The following APBB1IP variants were observed in gnomAD, a reference collection of about 807,000 sequenced individuals.
The protein encoded by APBB1IP is amyloid beta precursor protein binding family B member 1 interacting protein, also known as amyloid beta A4 precursor protein-binding family B member 1-interacting protein.
In APBB1IP, 27 loss-of-function variants were observed where a neutral mutation model predicts 64.9. The observed-to-expected ratio is 0.42, with a 90% CI of 0.31 to 0.57. The LOEUF (loss-of-function observed/expected upper bound fraction) is 0.57. APBB1IP is among the 20% of genes least tolerant of loss of function. The pLI, the probability that APBB1IP is intolerant of heterozygous loss-of-function variation, is 0.20. For synonymous variants in APBB1IP, 392 were observed against 331.0 expected, an observed-to-expected ratio of 1.18 and a Z score of -2.00; for missense variants, 812 against 845.5, an observed-to-expected ratio of 0.96 and a Z score of 0.49.
intron 8 of APBB1IP, among the ~76,000 whole-genome samples, chr10:26,526,865 A>G (rs1176298187): frequency 6.6e-6 from 1 of 152,224 alleles, no homozygotes; most frequent in Non-Finnish European, 1.5e-5. Context: ...CTTTTATTCC[A>G]CAGATTATTC....
At chr10:26,443,789 G>A (rs1011809947) in intron 2 of APBB1IP, among the ~76,000 whole-genome samples, 9 of 151,978 alleles carry the variant, frequency 5.9e-5, no homozygotes, top group African/African-American at 1.7e-4. Context: ...CTTCCACCTC[G>A]GGCTCTCAAA....
At chr10:26,485,491 A>G (rs935572041) in intron 2 of APBB1IP, among the ~76,000 whole-genome samples, 1 of 152,220 alleles carries the variant, frequency 6.6e-6, no homozygotes, top group Non-Finnish European at 1.5e-5. Flanking sequence ...AACATCAACA[A>G]GATCTGATTC....
chr10:26,479,885 C>G (rs550847139), intron 2 of APBB1IP, among the ~76,000 whole-genome samples: 1 of 152,304 alleles, frequency 6.6e-6, no homozygotes, highest in Non-Finnish European at 1.5e-5. Flanking sequence ...CTGTAACTTC[C>G]TCTGTGGTTT....
chr10:26,491,495 T>C (rs1268556636), intron 2 of APBB1IP, among the ~76,000 whole-genome samples: 6 of 152,202 alleles, frequency 3.9e-5, no homozygotes, highest in African/African-American at 1.4e-4. Flanking sequence ...CAACTCACAG[T>C]GCGTCCCACC....
chr10:26,539,457 A>G (rs1434710787), intron 10 of APBB1IP, among the ~76,000 whole-genome samples: 3 of 151,634 alleles, frequency 2.0e-5, no homozygotes, highest in Non-Finnish European at 2.9e-5. Flanking sequence ...GAAGGAAGAA[A>G]GGAAGAAAGG....
At chr10:26,451,788 A>G (rs1256810282) in intron 2 of APBB1IP, among the ~76,000 whole-genome samples, 1 of 152,224 alleles carries the variant, frequency 6.6e-6, no homozygotes, top group Non-Finnish European at 1.5e-5. Context: ...GATTATATGC[A>G]TGAAGACAGG....
chr10:26,528,831 C>G (rs1240563285), intron 8 of APBB1IP, among the ~76,000 whole-genome samples: 2 of 152,060 alleles, frequency 1.3e-5, no homozygotes, highest in Non-Finnish European at 2.9e-5. Flanking sequence ...CAGCTACTTG[C>G]AAGGCTGAGG....
At chr10:26,493,230 G>T (rs371026694) in intron 3 of APBB1IP, among the ~76,000 whole-genome samples, 1 of 152,150 alleles carries the variant, frequency 6.6e-6, no homozygotes, top group African/African-American at 2.4e-5. Context: ...TTTTCAAGGT[G>T]CCCAGATTTC....
chr10:26,544,019 G>C (rs904434669), intron 11 of APBB1IP, among the ~76,000 whole-genome samples: 6 of 152,166 alleles, frequency 3.9e-5, no homozygotes, highest in Admixed American at 6.5e-5. Flanking sequence ...TGTAGATGTG[G>C]TATGTGTGCA....
chr10:26,484,313 T>TG (rs1835867397), intron 2 of APBB1IP, among the ~76,000 whole-genome samples: 1 of 152,162 alleles, frequency 6.6e-6, no homozygotes, highest in South Asian at 2.1e-4. Context: ...TGTTTTGTTT[T>TG]GTTTTGTTTT....
rs368921879 is a variant in APBB1IP at position 26,474,663 on chromosome 10, T to C, written c.1-17664T>C. On this transcript the variant is annotated intron_variant, in intron 2 of 14. Transcript: ENST00000376236. ...GTTTTTTAAAAAGTAAAAAATAAAT[T>C]GTCTTCCTTGCTGAAGCCAAATGAA... is the stretch of plus-strand genomic sequence containing the variant. 9.1e-4 allele frequency among the ~76,000 whole-genome samples: 138 copies of C among 152,376 alleles called. 2 individuals are homozygous for C. In the South Asian group the frequency reaches 0.027, roughly 30 times the overall value.
chr10:26,559,984 G>C (rs1836946230), intron 11 of APBB1IP, 121 bp from the exon 12 acceptor site: 1 of 768,284 alleles, frequency 1.3e-6, no homozygotes, highest in African/African-American at 1.7e-5. Context: ...ATTACAACCA[G>C]TAATTTTTGC....
intron 2 of APBB1IP, among the ~76,000 whole-genome samples, chr10:26,455,259 G>C (rs1298615836): frequency 1.3e-5 from 2 of 152,222 alleles, no homozygotes; most frequent in Admixed American, 6.5e-5. Flanking sequence ...CCTGGGCACA[G>C]TGGCTCACGC....
chr10:26,510,873 T>TCTAA (rs1836249203), intron 6 of APBB1IP, among the ~76,000 whole-genome samples: 1 of 152,136 alleles, frequency 6.6e-6, no homozygotes, highest in South Asian at 2.1e-4. Flanking sequence ...TGTGCCCTGC[T>TCTAA]CTAACTATCT....
Position 26,536,219 on chromosome 10 carries a change from TCAG to T in APBB1IP, c.1044+3_1044+5del. On this transcript the variant is annotated splice_donor_5th_base_variant and intron_variant, in intron 10 of 14. Coordinates refer to ENST00000376236, the MANE Select transcript of APBB1IP (RefSeq NM_019043.4). The stretch of plus-strand genomic sequence containing the variant: ...TATGTACCCAAAGGAAAGACTAAGG[TCAG>T]AAAAAAAAAAAAAAAAGCACTTAGC... 5 of 1,398,498 alleles carry T rather than the reference TCAG, an allele frequency of 3.6e-6. No individual in the cohort carries two copies. The highest frequency in any genetic ancestry group is 2.7e-5 in the East Asian group (1 of 37,502). The allele number at this position is 1,398,498 out of a possible 1,614,324, so 86.6% of individuals were successfully genotyped here. A position where few individuals can be genotyped will look rare whatever the true frequency, so the allele number is the denominator to read the frequency against.
intron 8 of APBB1IP, among the ~76,000 whole-genome samples, chr10:26,531,479 A>G (rs1361472242): frequency 6.6e-6 from 1 of 152,174 alleles, no homozygotes; most frequent in African/African-American, 2.4e-5. Flanking sequence ...CATCCTGGCT[A>G]ACATGGTGAA....
intron 2 of APBB1IP, among the ~76,000 whole-genome samples, chr10:26,481,034 G>C (rs1397195846): frequency 1.3e-5 from 2 of 151,946 alleles, no homozygotes; most frequent in African/African-American, 2.4e-5. Flanking sequence ...AAATACAAAA[G>C]CAGTTCCCCA....
chr10:26,483,389 C>G lies in APBB1IP; in HGVS notation c.1-8938C>G, dbSNP rs1011340145. On this transcript the variant is annotated intron_variant, in intron 2 of 14. Coordinates refer to ENST00000376236, the MANE Select transcript of APBB1IP (RefSeq NM_019043.4). ...GAATATAAAAGTGTTTTCATTTCAC[C>G]TAGGGTGTGAGGATGGATTTAATCA... 3.3e-5 allele frequency among the ~76,000 whole-genome samples: 5 copies of G among 152,208 alleles called. No individual in the cohort carries two copies. The East Asian group carries it at 9.7e-4, about 29-fold the overall frequency.
chr10:26,567,438 A>T lies in APBB1IP; in HGVS notation c.1951A>T (p.Met651Leu), dbSNP rs1564381575. Reference protein sequence around the residue: ...GGAGGGEQDFMSDLMKALQKK... With the variant: ...GGAGGGEQDFLSDLMKALQKK... ...AGCAGGAGGCGGGGAGCAAGATTTCATGTCAGACCTCATGAAAGCTTTGCA... is the reference window on the plus strand; with the variant it reads ...AGCAGGAGGCGGGGAGCAAGATTTCTTGTCAGACCTCATGAAAGCTTTGCA... Residue 651 changes from methionine (M) to leucine (L), a missense_variant, in exon 15 of 15, where the codon ATG becomes TTG. Met to Leu is a conservative substitution (Grantham distance 15). Coordinates refer to ENST00000376236, the MANE Select transcript of APBB1IP (RefSeq NM_019043.4). The T allele has an allele frequency of 6.2e-7, 1 of 1,607,014 alleles. No individual in the cohort carries two copies. Among genetic ancestry groups the T allele is most frequent in the East Asian group, 2.2e-5 (1 of 44,556 alleles).
Sources: allele counts gnomAD v4.1 joint callset (sites outside exome capture counted in the v4.1 genomes callset), GRCh38; gene constraint gnomAD v4.1.1; transcripts MANE v1.5; gene names NCBI Gene and HGNC (gene_info 2026-07-23, HGNC 2026-07-21).